ZNF782: variants seen among roughly 807,000 people sequenced by gnomAD.
ZNF782 encodes zinc finger protein 782.
A neutral mutation model predicts 13.0 loss-of-function variants in ZNF782; 12 were observed. The ratio of observed to expected loss-of-function variants is 0.92; its 90% CI spans 0.59 to 1.50. The LOEUF (loss-of-function observed/expected upper bound fraction) is 1.50. ZNF782 is among the 40% of genes most tolerant of loss of function. ZNF782 has a pLI of 0.00. For synonymous variants in ZNF782, 284 were observed against 283.0 expected (o/e 1.00, Z -0.04); for missense variants, 770 against 822.9 (o/e 0.94, Z 0.79).
At chr9:96,841,927 A>C (rs550903348) in intron 4 of ZNF782, among the ~76,000 whole-genome samples, 44 of 152,128 alleles carry the variant, frequency 2.9e-4, no homozygotes, top group African/African-American at 9.9e-4. Flanking sequence ...GACCCTATAC[A>C]TATATGACAT....
chr9:96,929,795 G>A, the ZNF782 span, among the ~76,000 whole-genome samples: 13 of 151,486 alleles, frequency 8.6e-5, no homozygotes, highest in South Asian at 2.1e-4. Flanking sequence ...CTCGTGGCCC[G>A]TCCTCTGTAC....
At chr9:96,894,273 C>T in the ZNF782 span, 2 of 151,970 alleles carry the variant, frequency 1.3e-5, no homozygotes, top group East Asian at 1.9e-4. Context: ...AGCACACCAA[C>T]ATGGCACATG....
At chr9:96,841,538 G>A (rs1851189048) in intron 4 of ZNF782, among the ~76,000 whole-genome samples, 1 of 151,868 alleles carries the variant, frequency 6.6e-6, no homozygotes, top group Non-Finnish European at 1.5e-5. Flanking sequence ...TACCAAGTAA[G>A]GTTTATTCCA....
intron 5 of ZNF782, among the ~76,000 whole-genome samples, chr9:96,823,042 C>A (rs1339417754): frequency 6.6e-6 from 1 of 152,132 alleles, no homozygotes; most frequent in African/African-American, 2.4e-5. Context: ...GTGAAAGACA[C>A]ATCAGATTCA....
In ZNF782 at chr9:96,845,025, G is replaced by A. The variant is rs1851306599; in HGVS notation, c.16-9C>T. The A allele has an allele frequency of 6.2e-7, 1 of 1,613,890 alleles. No individual in the cohort carries two copies. Among genetic ancestry groups the A allele is most frequent in the Admixed American group, 1.7e-5 (1 of 59,984 alleles). On this transcript the variant is annotated splice_polypyrimidine_tract_variant and intron_variant, in intron 3 of 5. Coordinates refer to ENST00000481138, the MANE Select transcript of ZNF782 (RefSeq NM_001001662.3). Reference sequence around the variant, plus strand: ...TGGAATGACACTGATGCCTGTAACAGCGCATTTCTAATTAATCTGAGTGTT... The same window carrying A: ...TGGAATGACACTGATGCCTGTAACAACGCATTTCTAATTAATCTGAGTGTT...
In ZNF782 at chr9:96,819,209, C is replaced by A. The variant is rs1248850626; in HGVS notation, c.814G>T (p.Glu272Ter). 1 of 1,611,230 alleles carries A rather than the reference C, an allele frequency of 6.2e-7. No homozygotes were observed. The highest frequency in any genetic ancestry group is 1.7e-5 in the Admixed American group (1 of 59,570). The change falls in exon 6 of 6, where the codon GAG (glutamate) becomes TAG (stop). Residue 272 changes from glutamate to a stop codon, truncating the protein, a stop_gained. Coordinates refer to ENST00000481138, the MANE Select transcript of ZNF782 (RefSeq NM_001001662.3). LOFTEE classifies it low-confidence loss of function (END_TRUNC). ...QNMNPEKSHY[E>*]FNDTGNCFCR... is the part of the protein sequence containing the mutation. ...AAACAATTTCCAGTATCATTAAACTCATAGTGACTCTTCTCTGGATTCATG... is the reference window on the plus strand; with the variant it reads ...AAACAATTTCCAGTATCATTAAACTAATAGTGACTCTTCTCTGGATTCATG...
chr9:96,867,670 G>A (rs920911993), intron 1 of ZNF782, among the ~76,000 whole-genome samples: 10 of 152,128 alleles, frequency 6.6e-5, no homozygotes, highest in African/African-American at 2.4e-4. Flanking sequence ...GGCATCCACC[G>A]TTTCTCTCAT....
rs552773539 is a variant in ZNF782 at position 96,869,527 on chromosome 9, T to C, written c.-457+5941A>G. ...GCATTAGTGCCTAAGCCAAGAGACC[T>C]GCACTTAGACTGTATAAGGTATGTG... is the stretch of plus-strand genomic sequence containing the variant. On this transcript the variant is annotated intron_variant, in intron 1 of 5. Transcript: ENST00000498811. 1.1e-3 allele frequency among the ~76,000 whole-genome samples: 167 copies of C among 152,338 alleles called. 1 individual carries two copies. Among genetic ancestry groups the C allele is most frequent in the Non-Finnish European group, 1.3e-3 (89 of 68,020 alleles).
chr9:96,906,458 TCTTA>T, the ZNF782 span, among the ~76,000 whole-genome samples: 1 of 151,126 alleles, frequency 6.6e-6, no homozygotes, highest in South Asian at 2.1e-4. Context: ...TACCTGCACT[TCTTA>T]CTGACTGGCT....
chr9:96,903,172 A>C, the ZNF782 span: 4 of 151,866 alleles, frequency 2.6e-5, no homozygotes, highest in African/African-American at 9.7e-5. Flanking sequence ...AAAGAGCTCT[A>C]TCACCCTAAG....
At chr9:96,877,703 G>A (rs988246559), upstream of ZNF782, among the ~76,000 whole-genome samples, 11 of 152,242 alleles carry the variant, frequency 7.2e-5, no homozygotes, top group African/African-American at 2.4e-4. Context: ...GGGACAGCGG[G>A]AAAGAAACTG....
the ZNF782 span, chr9:96,891,561 C>CT: frequency 0.064 from 8,888 of 138,172 alleles, 659 homozygotes; most frequent in East Asian, 0.33. Flanking sequence ...TCTGTTAAGT[C>CT]TTTTTTTTTT....
chr9:96,866,116 G>T (rs1463412378), intron 1 of ZNF782, among the ~76,000 whole-genome samples: 1 of 152,206 alleles, frequency 6.6e-6, no homozygotes, highest in African/African-American at 2.4e-5. Flanking sequence ...GCAGAAATTT[G>T]CATAAGTAAT....
intron 1 of ZNF782, among the ~76,000 whole-genome samples, chr9:96,865,724 G>A (rs1410569342): frequency 1.3e-5 from 2 of 152,190 alleles, no homozygotes; most frequent in East Asian, 3.8e-4. Context: ...GGAACGTTTG[G>A]AACTCTCTAG....
intron 1 of ZNF782, among the ~76,000 whole-genome samples, chr9:96,865,430 A>G (rs1037962479): frequency 6.6e-6 from 1 of 152,212 alleles, no homozygotes; most frequent in African/African-American, 2.4e-5. Context: ...GCCTGCTGCC[A>G]TCCTTGTAAG....
chr9:96,926,758 G>A, the ZNF782 span, among the ~76,000 whole-genome samples: 2 of 152,142 alleles, frequency 1.3e-5, no homozygotes, highest in Non-Finnish European at 2.9e-5. Flanking sequence ...CCTGCAGTGT[G>A]GCCTGTTACG....
At chr9:96,843,943 G>A (rs1851264831) in intron 4 of ZNF782, among the ~76,000 whole-genome samples, 1 of 151,944 alleles carries the variant, frequency 6.6e-6, no homozygotes, top group Non-Finnish European at 1.5e-5. Flanking sequence ...AAAACTAAAC[G>A]AAACAAAAAT....
intron 4 of ZNF782, among the ~76,000 whole-genome samples, chr9:96,832,643 T>C (rs1432075229): frequency 6.6e-6 from 1 of 152,182 alleles, no homozygotes; most frequent in Non-Finnish European, 1.5e-5. Flanking sequence ...TTTCAGCACT[T>C]GAAAAATGTG....
chr9:96,861,248 C>T (rs1385370270), intron 2 of ZNF782, among the ~76,000 whole-genome samples: 4 of 152,150 alleles, frequency 2.6e-5, no homozygotes, highest in African/African-American at 4.8e-5. Flanking sequence ...AATTGGGTCA[C>T]ATCAAGTTAA....
Sources: allele counts gnomAD v4.1 joint callset (sites outside exome capture counted in the v4.1 genomes callset), GRCh38; gene constraint gnomAD v4.1.1; transcripts MANE v1.5; gene names NCBI Gene and HGNC (gene_info 2026-07-23, HGNC 2026-07-21).